The following STXBP5L variants were observed in gnomAD, a reference collection of about 807,000 sequenced individuals.
STXBP5L encodes the protein syntaxin-binding protein 5-like.
Under a neutral mutation model 144.5 loss-of-function variants are expected in STXBP5L, and 65 were observed. The ratio of observed to expected loss-of-function variants is 0.45; its 90% confidence interval spans 0.37 to 0.55. The LOEUF (loss-of-function observed/expected upper bound fraction) is 0.55. Ranked by LOEUF, STXBP5L falls within the 20% of genes least tolerant of loss-of-function variation. The pLI is 0.00. For synonymous variants in STXBP5L, 505 were observed against 469.6 expected, an observed-to-expected ratio of 1.08 and a Z score of -0.97; for missense variants, 1,298 against 1,405.5, an observed-to-expected ratio of 0.92 and a Z score of 1.22.
At chr3:121,055,071 C>G (rs1049713935) in intron 5 of STXBP5L, among the ~76,000 whole-genome samples, 1 of 152,066 alleles carries the variant, frequency 6.6e-6, no homozygotes, top group Non-Finnish European at 1.5e-5. Context: ...AGCAAGCTGA[C>G]AGATTTGAGA....
chr3:121,375,010 A>AAGGGTGGG (rs141411321), intron 20 of STXBP5L, among the ~76,000 whole-genome samples: 6 of 44,928 alleles, frequency 1.3e-4, no homozygotes, highest in African/African-American at 4.2e-4. Context: ...GAAGACTCAG[A>AAGGGTGGG]AGGGTGGGAG....
chr3:121,228,688 C>T (rs1363760972), intron 11 of STXBP5L, among the ~76,000 whole-genome samples: 1 of 152,042 alleles, frequency 6.6e-6, no homozygotes, highest in Non-Finnish European at 1.5e-5. Context: ...CCAGCCTGGC[C>T]AACATGGTGA....
chr3:121,088,061 C>T (rs1380493715), intron 5 of STXBP5L, among the ~76,000 whole-genome samples: 1 of 151,968 alleles, frequency 6.6e-6, no homozygotes, highest in Non-Finnish European at 1.5e-5. Context: ...AATTTAGAAG[C>T]TCCGGCAACA....
At chr3:120,955,147 G>C (rs1050394828) in intron 3 of STXBP5L, 110 bp downstream of exon 3, 2 of 769,550 alleles carry the variant, frequency 2.6e-6, no homozygotes, top group African/African-American at 3.6e-5. Context: ...TATTTTTTAA[G>C]AAATGAGTAA....
chr3:121,111,586 T>C (rs1001463292), intron 5 of STXBP5L, among the ~76,000 whole-genome samples: 2 of 152,210 alleles, frequency 1.3e-5, no homozygotes, highest in African/African-American at 4.8e-5. Flanking sequence ...CAAGGATGAC[T>C]GCCTGCTACT....
chr3:121,345,614 C>G (rs938494097), intron 20 of STXBP5L, among the ~76,000 whole-genome samples: 2 of 152,034 alleles, frequency 1.3e-5, no homozygotes, highest in Non-Finnish European at 2.9e-5. Context: ...AACTAATTTA[C>G]ACTCCCACAA....
At chr3:120,991,712 C>CA (rs1223801636) in intron 3 of STXBP5L, among the ~76,000 whole-genome samples, 2 of 148,330 alleles carry the variant, frequency 1.3e-5, no homozygotes, top group Non-Finnish European at 3.0e-5. Context: ...ATCACAAGGA[C>CA]AAAAAACCAA....
rs922869174 is a variant in STXBP5L at position 121,347,781 on chromosome 3, T to G, written c.2176+29241T>G. On this transcript the variant is annotated intron_variant, in intron 20 of 26. Transcript: ENST00000471454. ...TTTGTCTGTTATTGGTGTATAAGAA[T>G]GCTTGTGATTTTTGCACATTGATTT... Among the ~76,000 whole-genome samples, 9 of 152,172 alleles carry G rather than the reference T, an allele frequency of 5.9e-5. 1 individual carries two copies. The highest frequency in any genetic ancestry group is 5.9e-4 in the Admixed American group (9 of 15,276).
chr3:121,209,276 G>C (rs1361015005), intron 10 of STXBP5L, among the ~76,000 whole-genome samples: 2 of 152,044 alleles, frequency 1.3e-5, no homozygotes, highest in African/African-American at 4.8e-5. Flanking sequence ...TAATCCTTTG[G>C]ATACATAACC....
chr3:121,023,792 G>T (rs996243879), intron 3 of STXBP5L, among the ~76,000 whole-genome samples: 3 of 152,124 alleles, frequency 2.0e-5, no homozygotes, highest in Non-Finnish European at 2.9e-5. Context: ...GTCTCACTCC[G>T]TCGCCCAGGC....
Position 121,255,008 on chromosome 3 carries a change from A to T in STXBP5L, c.1555A>T (p.Met519Leu). 5 of 1,613,676 alleles carry T rather than the reference A, an allele frequency of 3.1e-6. No individual in the cohort carries two copies. Among genetic ancestry groups the T allele is most frequent in the Non-Finnish European group, 4.2e-6 (5 of 1,179,734 alleles). ...IVEEDPFAIQ[M>L]IYWCPESRIF... ...AGAGGAAGACCCATTTGCCATTCAG[A>T]TGATTTACTGGTGTCCAGAGAGCAG... Residue 519 changes from methionine to leucine, a missense_variant, in exon 16 of 27, where the codon ATG (methionine) becomes TTG (leucine). Physicochemically the swap from Met to Leu is conservative, Grantham distance 15. Transcript: ENST00000471454.
At chr3:121,014,079 C>T (rs1944971630) in intron 3 of STXBP5L, among the ~76,000 whole-genome samples, 1 of 152,028 alleles carries the variant, frequency 6.6e-6, no homozygotes, top group Non-Finnish European at 1.5e-5. Context: ...TATGATGCCT[C>T]CAGCTTTGTT....
intron 18 of STXBP5L, among the ~76,000 whole-genome samples, chr3:121,265,447 G>T (rs1019991583): frequency 2.6e-5 from 4 of 152,172 alleles, no homozygotes; most frequent in South Asian, 2.1e-4. Flanking sequence ...CAACGTACCA[G>T]AATCTCTGGG....
At chr3:121,348,945 G>T (rs549277375) in intron 20 of STXBP5L, among the ~76,000 whole-genome samples, 1 of 152,074 alleles carries the variant, frequency 6.6e-6, no homozygotes, top group South Asian at 2.1e-4. Flanking sequence ...GGTTTTTTGT[G>T]TGTCTATCTC....
At chr3:121,240,063 G>C (rs1188993010) in intron 13 of STXBP5L, among the ~76,000 whole-genome samples, 1 of 151,770 alleles carries the variant, frequency 6.6e-6, no homozygotes, top group Non-Finnish European at 1.5e-5. Context: ...ATTCTCCCAG[G>C]GCTCTTGGGA....
chr3:121,318,732 T>C (rs1428293315), intron 20 of STXBP5L, among the ~76,000 whole-genome samples, 192 bp downstream of exon 20: 2 of 152,160 alleles, frequency 1.3e-5, no homozygotes, highest in African/African-American at 4.8e-5. Flanking sequence ...TATTTTTATC[T>C]CAAAATAAAA....
intron 23 of STXBP5L, among the ~76,000 whole-genome samples, chr3:121,409,395 T>G (rs2047067200): frequency 6.6e-6 from 1 of 151,722 alleles, no homozygotes; most frequent in Admixed American, 6.6e-5. Flanking sequence ...GTCAAAGAAT[T>G]TGGGTACAAG....
chr3:120,931,008 A>G (rs1403717), intron 2 of STXBP5L, among the ~76,000 whole-genome samples: 15,113 of 152,072 alleles, frequency 0.099, 1,184 homozygotes, highest in Admixed American at 0.2. Context: ...TATGTAGACT[A>G]GGTTCTGGAA....
intron 4 of STXBP5L, among the ~76,000 whole-genome samples, chr3:121,045,173 T>A (rs1947428125): frequency 6.6e-6 from 1 of 152,164 alleles, no homozygotes; most frequent in Non-Finnish European, 1.5e-5. Flanking sequence ...AGTGCTATAA[T>A]AATTAATCCT....
Sources: gnomAD v4.1 joint callset for allele counts (sites outside exome capture counted in the v4.1 genomes callset) on GRCh38, gnomAD v4.1.1 for gene constraint, MANE v1.5 for transcripts, NCBI Gene and HGNC (gene_info 2026-07-23, HGNC 2026-07-21) for gene names.